Variants in NDST4 observed in about 807,000 individuals in gnomAD.
NDST4 encodes the protein N-heparan sulfate sulfotransferase 4.
A neutral mutation model predicts 100.8 loss-of-function variants in NDST4; 63 were observed. That is an observed-to-expected ratio of 0.62 (90% CI 0.51 to 0.77). The LOEUF (loss-of-function observed/expected upper bound fraction) is 0.77, where lower values mean the gene tolerates loss of function less well. NDST4 is among the 30% of genes least tolerant of loss of function. The pLI is 0.00. For synonymous variants in NDST4, 377 were observed against 361.8 expected, an observed-to-expected ratio of 1.04 and a Z score of -0.48; for missense variants, 943 against 1,018.4, an observed-to-expected ratio of 0.93 and a Z score of 1.01.
rs56658909 is a variant in NDST4, at chr4:115,075,784, GA to G, written c.978+274del. Among the ~76,000 whole-genome samples the G allele has an allele frequency of 3.3e-3, 285 of 87,412 alleles. 1 individual carries two copies. Among genetic ancestry groups the G allele is most frequent in the African/African-American group, 0.011 (230 of 20,676 alleles). 57.3% of individuals were successfully genotyped at this position (87,412 alleles called of 152,430 possible). On this transcript the variant is annotated intron_variant, in intron 2 of 13. Coordinates refer to ENST00000264363, the MANE Select transcript of NDST4 (RefSeq NM_022569.3). ...GGGCGACAGAGCAAGAGTCTGTTCA[GA>G]AAAAAAAAAAAAAAAAAAGGCAAAG...
chr4:115,094,220 T>G (rs1216177993), intron 1 of NDST4, among the ~76,000 whole-genome samples: 6 of 152,136 alleles, frequency 3.9e-5, no homozygotes, highest in Admixed American at 3.9e-4. Context: ...ATGTAAGGTT[T>G]AGAGAAGCCT....
intron 2 of NDST4, among the ~76,000 whole-genome samples, chr4:115,035,647 A>G (rs899092873): frequency 6.6e-6 from 1 of 152,094 alleles, no homozygotes; most frequent in African/African-American, 2.4e-5. Context: ...TTTAGTTTTA[A>G]GAGAACATAA....
chr4:115,078,746 C>G (rs957258199), intron 1 of NDST4, among the ~76,000 whole-genome samples: 2 of 151,980 alleles, frequency 1.3e-5, no homozygotes, highest in African/African-American at 4.8e-5. Flanking sequence ...GAGGCTGAGA[C>G]AGAGAATTGC....
chr4:114,898,280 C>A (rs1226824063), intron 6 of NDST4, among the ~76,000 whole-genome samples: 1 of 152,086 alleles, frequency 6.6e-6, no homozygotes, highest in Non-Finnish European at 1.5e-5. Flanking sequence ...ATTTGATGTG[C>A]AGTTGCTCCA....
At chr4:114,954,188 C>G (rs775447304) in intron 4 of NDST4, among the ~76,000 whole-genome samples, 1 of 151,772 alleles carries the variant, frequency 6.6e-6, no homozygotes. Flanking sequence ...TTTTTTTAAA[C>G]TTAATTTTTT....
At chr4:114,877,741 A>G (rs867430717) in intron 6 of NDST4, among the ~76,000 whole-genome samples, 1 of 152,108 alleles carries the variant, frequency 6.6e-6, no homozygotes, top group Non-Finnish European at 1.5e-5. Context: ...CGAAGTAAGG[A>G]GTTTGAGACC....
chr4:114,850,051 T>A (rs10018730), intron 8 of NDST4, among the ~76,000 whole-genome samples: 3,333 of 152,226 alleles, frequency 0.022, 119 homozygotes, highest in African/African-American at 0.075. Context: ...AAGTTTTTTT[T>A]AAAAATACTT....
At chr4:115,064,774 T>G (rs969630606) in intron 2 of NDST4, among the ~76,000 whole-genome samples, 1 of 152,110 alleles carries the variant, frequency 6.6e-6, no homozygotes, top group African/African-American at 2.4e-5. Context: ...TGCAAATACT[T>G]TATTCAATCT....
chr4:114,864,749 G>C (rs141404579), intron 7 of NDST4, among the ~76,000 whole-genome samples: 47 of 152,244 alleles, frequency 3.1e-4, no homozygotes, highest in African/African-American at 1.1e-3. Flanking sequence ...AACTCCTGTA[G>C]CACTTAATAG....
At chr4:115,005,827 G>A (rs562840547) in intron 2 of NDST4, among the ~76,000 whole-genome samples, 10 of 152,122 alleles carry the variant, frequency 6.6e-5, no homozygotes, top group Non-Finnish European at 1.2e-4. Flanking sequence ...GAGGTCAGGA[G>A]TTCGAAACCA....
rs114989684 is a variant in NDST4 at position 114,898,079 on chromosome 4, T to C, written c.1537-27129A>G. Among the ~76,000 whole-genome samples the C allele has an allele frequency of 1.0e-2, 1,521 of 152,290 alleles. 20 individuals carry two copies. The highest frequency in any genetic ancestry group is 0.034 in the Middle Eastern group (10 of 294). On this transcript the variant is annotated intron_variant, in intron 6 of 13. Coordinates refer to ENST00000264363, the MANE Select transcript of NDST4 (RefSeq NM_022569.3). The stretch of plus-strand genomic sequence containing the variant: ...TTAATGGAGTCCAGCTCATCAATTA[T>C]TTCTTTCATGAATCATGCCTTTGGT...
chr4:115,054,592 T>C (rs927626539), intron 2 of NDST4, among the ~76,000 whole-genome samples: 2 of 152,186 alleles, frequency 1.3e-5, no homozygotes, highest in African/African-American at 2.4e-5. Context: ...AATATAGTTA[T>C]TGGAAAAGTG....
intron 2 of NDST4, among the ~76,000 whole-genome samples, chr4:114,995,939 CTCAT>C (rs1727151016): frequency 6.6e-6 from 1 of 151,978 alleles, no homozygotes; most frequent in African/African-American, 2.4e-5. Flanking sequence ...AATGAAATGA[CTCAT>C]ACAAGTCATA....
chr4:115,112,843 T>C (rs1729981800), intron 1 of NDST4, among the ~76,000 whole-genome samples: 4 of 151,952 alleles, frequency 2.6e-5, no homozygotes, highest in Non-Finnish European at 4.4e-5. Context: ...GTTCTAAGAA[T>C]TTATTTTTCT....
chr4:115,034,709 G>A (rs1020024309), intron 2 of NDST4, among the ~76,000 whole-genome samples: 13 of 152,084 alleles, frequency 8.5e-5, no homozygotes, highest in Non-Finnish European at 1.6e-4. Flanking sequence ...ATGACCCCAA[G>A]CATGGCCCCC....
intron 2 of NDST4, among the ~76,000 whole-genome samples, chr4:114,994,178 A>C (rs1263492993): frequency 6.6e-6 from 1 of 151,948 alleles, no homozygotes; most frequent in African/African-American, 2.4e-5. Flanking sequence ...TAATAAAGTA[A>C]CTGTTCTTAC....
At chr4:114,974,305 G>A (rs1468761978) in intron 3 of NDST4, among the ~76,000 whole-genome samples, 3 of 151,880 alleles carry the variant, frequency 2.0e-5, no homozygotes, top group African/African-American at 7.3e-5. Flanking sequence ...ATCACAGAAG[G>A]GGTAAGAATG....
Position 115,102,837 on chromosome 4 carries a change from T to A in NDST4, c.-247+10607A>T, listed in dbSNP as rs1578523030. On this transcript the variant is annotated intron_variant, in intron 1 of 13. Coordinates refer to ENST00000264363, the MANE Select transcript of NDST4 (RefSeq NM_022569.3). ...GATTCTTTTGCCTCAGCCTCCTGAG[T>A]AGCTGGAATTATAGGCGCCTGCCAC... Among the ~76,000 whole-genome samples the A allele has an allele frequency of 3.3e-5, 5 of 149,552 alleles. No homozygotes were observed. In the Admixed American group the frequency reaches 3.4e-4, roughly 10 times the overall value.
rs1025902417 is a variant in NDST4, at chr4:114,834,400, G to A, written c.2287-685C>T. Among the ~76,000 whole-genome samples, 3 of 151,490 alleles carry A rather than the reference G, an allele frequency of 2.0e-5. No homozygotes were observed. In the East Asian group the frequency reaches 5.9e-4, roughly 30 times the overall value. ...ATGGTGGCAGGCTCCTGTAGTCCCA[G>A]CTACATGGGAGGCTGAGACAGGAGC... On this transcript the variant is annotated intron_variant, in intron 11 of 13. Transcript: ENST00000264363.
Sources: allele counts gnomAD v4.1 joint callset (sites outside exome capture counted in the v4.1 genomes callset), GRCh38; gene constraint gnomAD v4.1.1; transcripts MANE v1.5; gene names NCBI Gene and HGNC (gene_info 2026-07-23, HGNC 2026-07-21).